The following USP30 variants were observed in gnomAD, a reference collection of about 807,000 sequenced individuals.
USP30 encodes ubiquitin specific peptidase 30, also known as ubiquitin carboxyl-terminal hydrolase 30.
Under a neutral mutation model 68.2 loss-of-function variants are expected in USP30, and 41 were observed. The ratio of observed to expected loss-of-function variants is 0.60; its 90% CI spans 0.47 to 0.78. The LOEUF (loss-of-function observed/expected upper bound fraction) is 0.78. USP30 is among the 30% of genes least tolerant of loss of function. The pLI is 0.00. For synonymous variants in USP30, 229 were observed against 253.7 expected, an observed-to-expected ratio of 0.90 and a Z score of 0.93; for missense variants, 522 against 649.4, an observed-to-expected ratio of 0.80 and a Z score of 2.13.
chr12:109,085,420 T>C (rs937096632), intron 12 of USP30, among the ~76,000 whole-genome samples: 4 of 152,192 alleles, frequency 2.6e-5, no homozygotes, highest in Non-Finnish European at 5.9e-5. Context: ...CACATACATA[T>C]AGTGTACATA....
intron 3 of USP30, among the ~76,000 whole-genome samples, chr12:109,044,988 C>CTTTTTTTT (rs34418635): frequency 1.1e-4 from 11 of 100,176 alleles, no homozygotes; most frequent in Admixed American, 1.2e-4. Context: ...GGTCAAACAT[C>CTTTTTTTT]TTTTTTTTTT....
chr12:109,026,376 A>G (rs2040445463), intron 2 of USP30, among the ~76,000 whole-genome samples: 1 of 151,804 alleles, frequency 6.6e-6, no homozygotes, highest in Admixed American at 6.6e-5. Context: ...GACCTGGCCT[A>G]AAAATAATTT....
chr12:109,067,484 CT>C, intron 3 of USP30, 39 bp from the exon 4 acceptor site: 3 of 1,558,352 alleles, frequency 1.9e-6, no homozygotes, highest in Non-Finnish European at 1.8e-6. Context: ...AGTTGTTATG[CT>C]GATGAATTTA....
rs2041713719 is a variant in USP30 at position 109,079,339 on chromosome 12, C to CTTTTTTTTTTCTTTTTTTTTT, written c.721-1985_721-1984insCTTTTTTTTTTTTTTTTTTTT. Among the ~76,000 whole-genome samples, 316 of 62,236 alleles carry CTTTTTTTTTTCTTTTTTTTTT rather than the reference C, an allele frequency of 5.1e-3. 25 individuals carry two copies. The highest frequency in any genetic ancestry group is 6.7e-3 in the East Asian group (14 of 2,086). The allele number at this position is 62,236 out of a possible 152,430, so 40.8% of individuals were successfully genotyped here. On this transcript the variant is annotated intron_variant, in intron 7 of 12. Coordinates refer to ENST00000257548, the MANE Select transcript of USP30 (RefSeq NM_032663.5). ...TTTTCTCTTTTTTTCTTTTCTTTTT[C>CTTTTTTTTTTCTTTTTTTTTT]TTTTTTTTTTTCTTTTTTTTTTTTT... is the stretch of plus-strand genomic sequence containing the variant.
chr12:109,026,605 C>A (rs971455444), intron 2 of USP30, among the ~76,000 whole-genome samples: 1 of 151,514 alleles, frequency 6.6e-6, no homozygotes, highest in African/African-American at 2.4e-5. Flanking sequence ...CTGTAGTAGA[C>A]CGTAGGTGCG....
chr12:109,084,278 C>T (rs1019901482), intron 11 of USP30, among the ~76,000 whole-genome samples: 3 of 152,130 alleles, frequency 2.0e-5, no homozygotes, highest in Non-Finnish European at 2.9e-5. Context: ...ATAACAGCCC[C>T]CAAAAATGAC....
At chr12:109,025,411 T>C (rs2040437864) in intron 2 of USP30, among the ~76,000 whole-genome samples, 2 of 152,064 alleles carry the variant, frequency 1.3e-5, no homozygotes, top group African/African-American at 4.8e-5. Flanking sequence ...ACTAATACAG[T>C]GCTTATCATT....
intron 1 of USP30, among the ~76,000 whole-genome samples, chr12:109,056,095 G>T (rs1452619722): frequency 2.0e-5 from 3 of 152,210 alleles, no homozygotes; most frequent in East Asian, 1.9e-4. Context: ...GAAGTGGAGT[G>T]AGAGGCAGAA....
At chr12:109,031,121 A>G (rs779780380) in intron 3 of USP30, among the ~76,000 whole-genome samples, 2 of 152,228 alleles carry the variant, frequency 1.3e-5, no homozygotes, top group African/African-American at 4.8e-5. Context: ...CTTTTGAGCC[A>G]TCTTAATATA....
Position 109,070,109 on chromosome 12 carries a change from A to G in USP30, c.481-1503A>G, listed in dbSNP as rs1424892553. Among the ~76,000 whole-genome samples, 1 of 151,938 alleles carries G rather than the reference A, an allele frequency of 6.6e-6. No individual in the cohort carries two copies. Among genetic ancestry groups the G allele is most frequent in the Admixed American group, 6.6e-5 (1 of 15,258 alleles). On this transcript the variant is annotated intron_variant, in intron 4 of 12. Transcript: ENST00000257548. The surrounding 1 kb of genome is among the most constrained non-coding windows in gnomAD (Gnocchi z 4.0). ...GCCACTAGAGGACTTTGAACTGGGG[A>G]CTGGTTTGATCTGACTTGTTAGAAA... is the stretch of plus-strand genomic sequence containing the variant.
intron 3 of USP30, among the ~76,000 whole-genome samples, chr12:109,028,754 G>A (rs1406618662): frequency 6.6e-6 from 1 of 152,140 alleles, no homozygotes; most frequent in Non-Finnish European, 1.5e-5. Flanking sequence ...TGGGATCACA[G>A]GCATGAGCCA....
In USP30 at chr12:109,067,504, C is replaced by T; in HGVS notation, c.377-20C>T. The T allele has an allele frequency of 6.2e-7, 1 of 1,603,794 alleles. No individual in the cohort carries two copies. Among genetic ancestry groups the T allele is most frequent in the Non-Finnish European group, 8.5e-7 (1 of 1,170,798 alleles). On this transcript the variant is annotated intron_variant, in intron 3 of 12. Transcript: ENST00000257548. ...TTATGCTGATGAATTTAATAATTGT[C>T]TTACCTTTTTTGTTTCCAGCCTTGT...
At chr12:109,055,400 A>ATATATATATATAT (rs1298811530) in intron 1 of USP30, among the ~76,000 whole-genome samples, 1 of 24,468 alleles carries the variant, frequency 4.1e-5, no homozygotes, top group African/African-American at 1.1e-4. Flanking sequence ...ATATATATAT[A>ATATATATATATAT]TTTTTTTTTT....
At chr12:109,058,735 C>G (rs2040960803) in intron 3 of USP30, among the ~76,000 whole-genome samples, 1 of 152,046 alleles carries the variant, frequency 6.6e-6, no homozygotes. Context: ...TGTCCGTTAG[C>G]CTAGAAAATA....
intron 4 of USP30, among the ~76,000 whole-genome samples, chr12:109,069,704 G>A (rs1243719405): frequency 6.6e-6 from 1 of 152,170 alleles, no homozygotes; most frequent in Non-Finnish European, 1.5e-5. Flanking sequence ...GTAAGCAGGG[G>A]ATTTCAGGAT....
chr12:109,083,940 A>AG (rs763092848), intron 11 of USP30, among the ~76,000 whole-genome samples: 1 of 152,184 alleles, frequency 6.6e-6, no homozygotes, highest in Non-Finnish European at 1.5e-5. Context: ...GAGATGAGGT[A>AG]GGGGACAGAC....
At chr12:109,036,355 C>A (rs1023969168) in intron 3 of USP30, among the ~76,000 whole-genome samples, 1 of 150,344 alleles carries the variant, frequency 6.7e-6, no homozygotes, top group Non-Finnish European at 1.5e-5. Flanking sequence ...GGCTGGAGTG[C>A]AGTGGTGTGA....
At chr12:109,085,200 G>A (rs911228069) in intron 12 of USP30, 127 bp downstream of exon 12, 96 of 1,057,542 alleles carry the variant, frequency 9.1e-5, no homozygotes, top group African/African-American at 1.3e-4. Context: ...GAAGTTTCAC[G>A]ATTACACATT....
At chr12:109,041,256 A>T (rs1298581198) in intron 3 of USP30, among the ~76,000 whole-genome samples, 2 of 152,276 alleles carry the variant, frequency 1.3e-5, no homozygotes, top group Non-Finnish European at 2.9e-5. Flanking sequence ...GGGGAAAACA[A>T]CCCATAAATT....
Sources: gnomAD v4.1 joint callset for allele counts (sites outside exome capture counted in the v4.1 genomes callset) on GRCh38, gnomAD v4.1.1 for gene constraint, Gnocchi (gnomAD v3.1) non-coding constraint, MANE v1.5 for transcripts, NCBI Gene and HGNC (gene_info 2026-07-23, HGNC 2026-07-21) for gene names.